The following ELMO1 variants were observed in gnomAD, a reference collection of about 807,000 sequenced individuals.
ELMO1 encodes engulfment and cell motility 1, also known as engulfment and cell motility protein 1.
A neutral mutation model predicts 98.9 loss-of-function variants in ELMO1; 26 were observed. The ratio of observed to expected loss-of-function variants is 0.26; its 90% CI spans 0.19 to 0.36. The LOEUF (loss-of-function observed/expected upper bound fraction) is 0.36. Among genes scored for constraint, ELMO1 ranks in the 10% least tolerant of loss-of-function variants. The pLI is 1.00. For synonymous variants in ELMO1, 346 were observed against 346.0 expected, an observed-to-expected ratio of 1.00 and a Z score of 0.00; for missense variants, 627 against 935.2, an observed-to-expected ratio of 0.67 and a Z score of 4.30.
intron 1 of ELMO1, among the ~76,000 whole-genome samples, chr7:37,370,395 C>T (rs186955975): frequency 9.0e-4 from 137 of 152,126 alleles, no homozygotes; most frequent in African/African-American, 3.1e-3. Flanking sequence ...TGTATGGCTC[C>T]CGTGTTTAAG....
intron 1 of ELMO1, among the ~76,000 whole-genome samples, chr7:37,366,908 A>C (rs1234082131): frequency 6.6e-6 from 1 of 152,256 alleles, no homozygotes; most frequent in Non-Finnish European, 1.5e-5. Flanking sequence ...CAGATAACAG[A>C]CTGATGAATT....
intron 16 of ELMO1, among the ~76,000 whole-genome samples, chr7:36,913,950 C>T (rs1402791719): frequency 6.6e-6 from 1 of 152,180 alleles, no homozygotes; most frequent in African/African-American, 2.4e-5. Flanking sequence ...AGGATTATTA[C>T]CTGAAAGTTC....
At chr7:36,899,700 T>TTTTTTTTTTTTTA (rs60221089) in intron 16 of ELMO1, among the ~76,000 whole-genome samples, 1 of 143,658 alleles carries the variant, frequency 7.0e-6, no homozygotes, top group African/African-American at 2.6e-5. Flanking sequence ...TTTTTTTTTT[T>TTTTTTTTTTTTTA]ACCACTCCTA....
chr7:37,003,720 T>C (rs1278581759), intron 16 of ELMO1, among the ~76,000 whole-genome samples: 1 of 152,248 alleles, frequency 6.6e-6, no homozygotes, highest in East Asian at 1.9e-4. Flanking sequence ...AGTCATTAAA[T>C]ATATATTTTA....
At chr7:36,948,065 A>T (rs1160422034) in intron 16 of ELMO1, among the ~76,000 whole-genome samples, 1 of 152,240 alleles carries the variant, frequency 6.6e-6, no homozygotes, top group Admixed American at 6.5e-5. Context: ...GGTTCCTAGC[A>T]TGCAGAAGAT....
intron 13 of ELMO1, among the ~76,000 whole-genome samples, chr7:37,138,535 T>A (rs1217196192): frequency 6.6e-6 from 1 of 152,154 alleles, no homozygotes; most frequent in Non-Finnish European, 1.5e-5. Context: ...AGATATAGAA[T>A]CTCTGAGCAG....
intron 1 of ELMO1, among the ~76,000 whole-genome samples, chr7:37,422,489 T>C (rs1238314843): frequency 6.6e-6 from 1 of 152,230 alleles, no homozygotes; most frequent in Non-Finnish European, 1.5e-5. Flanking sequence ...GCTCGTGTGG[T>C]TTTCCTGCTT....
chr7:37,268,071 A>G (rs1796354661), intron 5 of ELMO1, among the ~76,000 whole-genome samples: 1 of 152,232 alleles, frequency 6.6e-6, no homozygotes, highest in South Asian at 2.1e-4. Context: ...AATTTCAGAA[A>G]AGTAACAATG....
At chr7:37,327,848 G>C (rs905582875) in intron 2 of ELMO1, among the ~76,000 whole-genome samples, 1 of 152,052 alleles carries the variant, frequency 6.6e-6, no homozygotes, top group Non-Finnish European at 1.5e-5. Flanking sequence ...AGGATTTTCA[G>C]GAAGGGTCTA....
chr7:37,394,872 A>G (rs1018807360), intron 1 of ELMO1, among the ~76,000 whole-genome samples: 2 of 152,102 alleles, frequency 1.3e-5, no homozygotes, highest in African/African-American at 4.8e-5. Context: ...TAAACTTGAG[A>G]CCCCAGCAAA....
At chr7:36,911,014 A>G (rs1460272236) in intron 16 of ELMO1, among the ~76,000 whole-genome samples, 1 of 152,192 alleles carries the variant, frequency 6.6e-6, no homozygotes, top group African/African-American at 2.4e-5. Flanking sequence ...ATCTTTAGGA[A>G]ATCGATGTTG....
intron 16 of ELMO1, among the ~76,000 whole-genome samples, chr7:36,996,671 A>G (rs1792237624): frequency 6.6e-6 from 1 of 152,196 alleles, no homozygotes; most frequent in South Asian, 2.1e-4. Flanking sequence ...GCTACAAGAG[A>G]GGGGAAGAAA....
chr7:37,389,076 G>T (rs1429688164), intron 1 of ELMO1, among the ~76,000 whole-genome samples: 1 of 152,160 alleles, frequency 6.6e-6, no homozygotes, highest in East Asian at 1.9e-4. Flanking sequence ...AGCAAACTAG[G>T]CTTTCTTTTT....
intron 19 of ELMO1, among the ~76,000 whole-genome samples, chr7:36,875,431 T>C (rs1803868203): frequency 1.3e-5 from 2 of 152,190 alleles, no homozygotes; most frequent in Admixed American, 1.3e-4. Flanking sequence ...GGATAAATAC[T>C]TGTGCAGATA....
chr7:37,102,382 T>C (rs991542804), intron 14 of ELMO1, among the ~76,000 whole-genome samples: 11 of 152,120 alleles, frequency 7.2e-5, no homozygotes, highest in Non-Finnish European at 1.6e-4. Context: ...CAAGCCCTAA[T>C]AGGATGGTTT....
chr7:37,263,661 T>C (rs564521599), intron 5 of ELMO1, among the ~76,000 whole-genome samples: 5 of 152,062 alleles, frequency 3.3e-5, no homozygotes, highest in East Asian at 3.9e-4. Context: ...CCCCACCACA[T>C]TGGGGAGTGG....
At chr7:36,989,383 C>A (rs1346565355) in intron 16 of ELMO1, among the ~76,000 whole-genome samples, 1 of 152,180 alleles carries the variant, frequency 6.6e-6, no homozygotes, top group Non-Finnish European at 1.5e-5. Context: ...ATGCAGATTC[C>A]TGGGGTCCAA....
intron 1 of ELMO1, among the ~76,000 whole-genome samples, chr7:37,368,214 A>T (rs1397320052): frequency 1.3e-5 from 2 of 152,210 alleles, no homozygotes; most frequent in Non-Finnish European, 2.9e-5. Flanking sequence ...ATTTTTCATT[A>T]TTCAGATGAT....
intron 16 of ELMO1, among the ~76,000 whole-genome samples, chr7:36,918,363 G>C (rs1351323886): frequency 1.3e-5 from 2 of 152,148 alleles, no homozygotes; most frequent in Non-Finnish European, 2.9e-5. Flanking sequence ...AAAAGGGATG[G>C]GGTTTTCTTT....
Sources: allele counts gnomAD v4.1 joint callset (sites outside exome capture counted in the v4.1 genomes callset), GRCh38; gene constraint gnomAD v4.1.1; transcripts MANE v1.5; gene names NCBI Gene and HGNC (gene_info 2026-07-23, HGNC 2026-07-21).